The following HERC1 variants were observed in gnomAD, a reference collection of about 807,000 sequenced individuals.
HERC1 encodes the protein HECT and RLD domain containing E3 ubiquitin protein ligase family member 1, also known as probable E3 ubiquitin-protein ligase HERC1.
In HERC1, 160 loss-of-function variants were observed where a neutral mutation model predicts 554.3. That is an observed-to-expected ratio of 0.29 (90% CI 0.25 to 0.33). The LOEUF (loss-of-function observed/expected upper bound fraction) is 0.33. Ranked by LOEUF, HERC1 falls within the 10% of genes least tolerant of loss-of-function variation. HERC1 has a pLI of 1.00. For missense variants in HERC1, 4,919 were observed against 5,918.5 expected (o/e 0.83, Z 5.54); for synonymous variants, 2,175 against 2,131.7 (o/e 1.02, Z -0.56).
chr15:63,687,472 A>C (rs548428711), intron 33 of HERC1, among the ~76,000 whole-genome samples: 2 of 151,938 alleles, frequency 1.3e-5, no homozygotes, highest in Non-Finnish European at 2.9e-5. Flanking sequence ...GGGGAGGCAG[A>C]GGTTGCAGTA....
rs530689067 is a variant in HERC1 at position 63,622,798 on chromosome 15, C to G, written c.13688+17G>C. The G allele has an allele frequency of 6.4e-7, 1 of 1,570,762 alleles. No individual in the cohort carries two copies. The highest frequency in any genetic ancestry group is 8.7e-7 in the Non-Finnish European group (1 of 1,155,656). On this transcript the variant is annotated intron_variant, in intron 74 of 77. Coordinates refer to ENST00000443617, the MANE Select transcript of HERC1 (RefSeq NM_003922.4). ...TATTATTTTAGACATATAATGAACA[C>G]TTGCTGACTGCCATACCTGTCCCTA...
chr15:63,754,344 T>A (rs1159877508), intron 7 of HERC1, among the ~76,000 whole-genome samples, 161 bp downstream of exon 7: 1 of 152,200 alleles, frequency 6.6e-6, no homozygotes. Context: ...TCCAAAATGT[T>A]AACAATGGTT....
chr15:63,758,351 C>A lies in HERC1; in HGVS notation c.1045G>T (p.Asp349Tyr). 6.3e-7 allele frequency: 1 copy of A among 1,589,938 alleles called. No homozygotes were observed. Among genetic ancestry groups the A allele is most frequent in the Non-Finnish European group, 8.6e-7 (1 of 1,160,612 alleles). ...LFEEVCRMAS[D>Y]YSRTCASPDS... ...GGGCTAGCACATGTTCTCGAATAATCAGAAGCCATTCTGCAAACCTATTAA... is the reference window on the plus strand; with the variant it reads ...GGGCTAGCACATGTTCTCGAATAATAAGAAGCCATTCTGCAAACCTATTAA... Residue 349 changes from aspartate to tyrosine, a missense_variant, in exon 4 of 78, where the codon GAT becomes TAT. Coordinates refer to ENST00000443617, the MANE Select transcript of HERC1 (RefSeq NM_003922.4). This position sits in a 1 kb window ranked among gnomAD's most constrained non-coding sequence, Gnocchi z 4.0.
Position 63,626,159 on chromosome 15 carries a change from C to A in HERC1, c.13106-5G>T. On this transcript the variant is annotated splice_polypyrimidine_tract_variant and splice_region_variant and intron_variant, in intron 70 of 77. Transcript: ENST00000443617. ...GCTGCAGAGGTACTGACACACCTGT[C>A]CAGAAAGCAAATGGGCACTTATGAA... 1 of 1,609,980 alleles carries A rather than the reference C, an allele frequency of 6.2e-7. No individual in the cohort carries two copies. The highest frequency in any genetic ancestry group is 8.5e-7 in the Non-Finnish European group (1 of 1,178,964).
At chr15:63,752,716 G>A (rs2075292499) in intron 8 of HERC1, 1 of 345,890 alleles carries the variant, frequency 2.9e-6, no homozygotes, top group Non-Finnish European at 5.2e-6. Flanking sequence ...AAACATTTTA[G>A]AAAGTCAGTT....
Position 63,775,529 on chromosome 15 carries a change from T to C in HERC1, c.95A>G (p.Glu32Gly). The C allele has an allele frequency of 6.2e-7, 1 of 1,613,966 alleles. No individual in the cohort carries two copies. The highest frequency in any genetic ancestry group is 8.5e-7 in the Non-Finnish European group (1 of 1,179,858). Residue 32 changes from glutamate to glycine, a missense_variant, in exon 2 of 78, where the codon GAG becomes GGG. Glu to Gly is a moderately conservative substitution (Grantham distance 98). This residue lies in a region of HERC1 where 110 missense variants were observed against 99.3 expected (regional missense o/e 1.11). Coordinates refer to ENST00000443617, the MANE Select transcript of HERC1 (RefSeq NM_003922.4). The surrounding 1 kb of genome is among the most constrained non-coding windows in gnomAD (Gnocchi z 4.0). ...TTTAGAATACAGAACAGCAACTCCCTCTCTTGTAGCAATAGATTCACTGTC... is the reference window on the plus strand; with the variant it reads ...TTTAGAATACAGAACAGCAACTCCCCCTCTTGTAGCAATAGATTCACTGTC... ...TEDSESIATR[E>G]GVAVLYSKLV...
chr15:63,614,002 A>C (rs2152717509), intron 76 of HERC1, among the ~76,000 whole-genome samples: 1 of 152,354 alleles, frequency 6.6e-6, no homozygotes, highest in Middle Eastern at 3.4e-3. Context: ...GTCTGGAAAA[A>C]AAATTAGGCT....
rs61745864 is a variant in HERC1, at chr15:63,746,981, T to C, written c.2457A>G (p.Ala819=). 2.1e-3 allele frequency: 3,323 copies of C among 1,562,798 alleles called. 47 individuals carry two copies. In the African/African-American group the frequency reaches 0.039, roughly 18 times the overall value. Residue 819 remains alanine, a synonymous_variant, in exon 12 of 78, where the codon GCA becomes GCG. Transcript: ENST00000443617. ...GVATSILGRQ[A]GPLRNLLFRL... ...TGAAGAGCAAATTTCGAAGTGGACC[T>C]GCCTGCCTCCCGAGAATGCTGGTAG...
chr15:63,825,618 G>A (rs10152669), intron 1 of HERC1, among the ~76,000 whole-genome samples: 69,776 of 151,834 alleles, frequency 0.46, 17,161 homozygotes, highest in Non-Finnish European at 0.55. Flanking sequence ...GTAAAATGAA[G>A]TATTATTTGA....
chr15:63,636,504 C>A (rs1270240065), intron 64 of HERC1, among the ~76,000 whole-genome samples: 1 of 152,066 alleles, frequency 6.6e-6, no homozygotes, highest in Non-Finnish European at 1.5e-5. Context: ...CTCCTGACCT[C>A]AAGTGATCCG....
At chr15:63,701,346 C>A (rs1411214984) in intron 25 of HERC1, among the ~76,000 whole-genome samples, 1 of 152,162 alleles carries the variant, frequency 6.6e-6, no homozygotes, top group Non-Finnish European at 1.5e-5. Flanking sequence ...AATTATGAAT[C>A]TACCAATACT....
rs1375110801 is a variant in HERC1, at chr15:63,644,989, T to C, written c.11184+3A>G. 1 of 1,594,936 alleles carries C rather than the reference T, an allele frequency of 6.3e-7. No homozygotes were observed. The highest frequency in any genetic ancestry group is 8.6e-7 in the Non-Finnish European group (1 of 1,162,336). On this transcript the variant is annotated splice_donor_region_variant and intron_variant, in intron 57 of 77. Transcript: ENST00000443617. Reference sequence around the variant, plus strand: ...ACAGTCTTCAAAAACACCAGAATGTTACCTGGCAATTTGATTCCTGCTCCC... The same window carrying C: ...ACAGTCTTCAAAAACACCAGAATGTCACCTGGCAATTTGATTCCTGCTCCC...
intron 12 of HERC1, among the ~76,000 whole-genome samples, chr15:63,744,800 A>G (rs1265484535): frequency 6.6e-6 from 1 of 152,082 alleles, no homozygotes; most frequent in Non-Finnish European, 1.5e-5. Context: ...TCTAACAATC[A>G]AGTCCTGGAA....
intron 24 of HERC1, among the ~76,000 whole-genome samples, chr15:63,709,041 G>C (rs2073157818): frequency 6.6e-6 from 1 of 152,202 alleles, no homozygotes; most frequent in South Asian, 2.1e-4. Context: ...CCAGGCTGGA[G>C]TGCAGTGGCG....
intron 1 of HERC1, among the ~76,000 whole-genome samples, chr15:63,785,447 A>G (rs555251545): frequency 6.6e-6 from 1 of 152,232 alleles, no homozygotes; most frequent in Non-Finnish European, 1.5e-5. Context: ...TAATAATTCA[A>G]TTCAAAATTA....
Position 63,612,485 on chromosome 15 carries a change from T to G in HERC1, c.14166A>C (p.Gln4722His). 1 of 1,613,982 alleles carries G rather than the reference T, an allele frequency of 6.2e-7. No individual in the cohort carries two copies. Residue 4722 changes from glutamine (Q) to histidine (H), a missense_variant, in exon 77 of 78, where the codon CAA becomes CAC. Gln to His is a conservative substitution (Grantham distance 24). Transcript: ENST00000443617. This position sits in a 1 kb window ranked among gnomAD's most constrained non-coding sequence, Gnocchi z 5.0. Reference protein sequence around the residue: ...VPLLSLLTAKQLEQMVCGMPE... With the variant: ...VPLLSLLTAKHLEQMVCGMPE... ...GCATCCCACACACCATCTGCTCCAGTTGTTTTGCTGTGAGGAGGGACAGCA... is the reference window on the plus strand; with the variant it reads ...GCATCCCACACACCATCTGCTCCAGGTGTTTTGCTGTGAGGAGGGACAGCA...
chr15:63,648,382 T>G (rs1449082657), intron 54 of HERC1, among the ~76,000 whole-genome samples, 183 bp from the exon 55 acceptor site: 1 of 152,252 alleles, frequency 6.6e-6, no homozygotes, highest in Non-Finnish European at 1.5e-5. Flanking sequence ...ACATACTTTT[T>G]AAAAGTGTCG....
chr15:63,672,519 T>G lies in HERC1; in HGVS notation c.8022A>C (p.Gly2674=). The change falls in exon 39 of 78, where the codon GGA becomes GGC. Residue 2674 remains glycine (G), a synonymous_variant. Transcript: ENST00000443617. ...ACCTGAGAAGACTAAGAGGCATCACTCCCGGGGACTCGGATGCAGGCACTG... is the reference window on the plus strand; with the variant it reads ...ACCTGAGAAGACTAAGAGGCATCACGCCCGGGGACTCGGATGCAGGCACTG... ...TETVPASESP[G]VMPLSLLRQM... 2 of 1,600,262 alleles carry G rather than the reference T, an allele frequency of 1.2e-6. No homozygotes were observed. The highest frequency in any genetic ancestry group is 1.7e-6 in the Non-Finnish European group (2 of 1,173,204).
At chr15:63,690,406 A>C (rs2072040596) in intron 32 of HERC1, 135 bp downstream of exon 32, 1 of 579,120 alleles carries the variant, frequency 1.7e-6, no homozygotes, top group Admixed American at 3.3e-5. Flanking sequence ...ATAATAAAGA[A>C]AGCAGTCCTA....
Sources: gnomAD v4.1 joint callset for allele counts (sites outside exome capture counted in the v4.1 genomes callset) on GRCh38, gnomAD v4.1.1 for gene constraint, gnomAD v4.1.1 regional missense constraint, Gnocchi (gnomAD v3.1) non-coding constraint, MANE v1.5 for transcripts, NCBI Gene and HGNC (gene_info 2026-07-23, HGNC 2026-07-21) for gene names.